Variants in COP1 observed in about 807,000 individuals in gnomAD.
COP1 encodes E3 ubiquitin-protein ligase COP1.
A neutral mutation model predicts 101.3 loss-of-function variants in COP1; 24 were observed. That is an observed-to-expected ratio of 0.24 (90% CI 0.17 to 0.33). The LOEUF is 0.33. Ranked by LOEUF, COP1 falls within the 10% of genes least tolerant of loss-of-function variation. The pLI is 1.00. For missense variants in COP1, 663 were observed against 906.2 expected, an observed-to-expected ratio of 0.73 and a Z score of 3.45; for synonymous variants, 347 against 341.9, an observed-to-expected ratio of 1.01 and a Z score of -0.17.
intron 8 of COP1, among the ~76,000 whole-genome samples, chr1:176,129,033 T>C (rs1688486680): frequency 2.0e-5 from 3 of 151,920 alleles, no homozygotes; most frequent in South Asian, 4.1e-4. Flanking sequence ...TATAGTTGCA[T>C]AGAATGACAT....
intron 18 of COP1, among the ~76,000 whole-genome samples, chr1:175,961,695 C>CAAAAA (rs3034815): frequency 1.2e-4 from 8 of 69,420 alleles, no homozygotes; most frequent in Non-Finnish European, 1.4e-4. Flanking sequence ...GACCCTGTCT[C>CAAAAA]AAAAAAAAAA....
chr1:176,189,883 C>A (rs1698927754), intron 1 of COP1, among the ~76,000 whole-genome samples: 1 of 151,494 alleles, frequency 6.6e-6, no homozygotes, highest in Admixed American at 6.6e-5. Context: ...AGAAAAAATT[C>A]TCAATTAGAA....
chr1:176,203,065 C>T (rs536527177), intron 1 of COP1, among the ~76,000 whole-genome samples: 2 of 151,772 alleles, frequency 1.3e-5, no homozygotes, highest in East Asian at 2.0e-4. Context: ...CGGCCGGGCG[C>T]GGTGGCTCAC....
At chr1:176,184,102 A>T (rs1412888846) in intron 2 of COP1, among the ~76,000 whole-genome samples, 1 of 152,256 alleles carries the variant, frequency 6.6e-6, no homozygotes, top group Non-Finnish European at 1.5e-5. Flanking sequence ...ACCAGAAAAA[A>T]ATATATAAAA....
intron 11 of COP1, among the ~76,000 whole-genome samples, chr1:176,069,494 A>G (rs1292320818): frequency 1.3e-5 from 2 of 152,200 alleles, no homozygotes; most frequent in African/African-American, 2.4e-5. Context: ...TTATCCTCCA[A>G]TCGAGTATTC....
chr1:176,126,992 T>C (rs771562624), intron 8 of COP1, among the ~76,000 whole-genome samples: 10 of 152,158 alleles, frequency 6.6e-5, no homozygotes, highest in Non-Finnish European at 1.5e-4. Context: ...CATATCTTAT[T>C]TTTCCTCCTA....
At chr1:176,184,971 T>C (rs1002980645) in intron 1 of COP1, among the ~76,000 whole-genome samples, 4 of 152,136 alleles carry the variant, frequency 2.6e-5, no homozygotes, top group African/African-American at 9.7e-5. Flanking sequence ...ACTCGGCACA[T>C]AATTTTTAGT....
chr1:175,990,487 T>C (rs1318405992), intron 15 of COP1, among the ~76,000 whole-genome samples: 6 of 152,178 alleles, frequency 3.9e-5, no homozygotes, highest in Non-Finnish European at 8.8e-5. Context: ...GGTCTTTGGA[T>C]GTCTGTTATG....
rs369887649 is a variant in COP1, at chr1:176,028,696, CATATATATATATATATATAT to C, written c.1613-1028_1613-1009del. 1.3e-3 allele frequency among the ~76,000 whole-genome samples: 62 copies of C among 47,912 alleles called. 2 individuals carry two copies. The highest frequency in any genetic ancestry group is 4.2e-3 in the African/African-American group (60 of 14,146). The allele number at this position is 47,912 out of a possible 152,430, so 31.4% of individuals were successfully genotyped here. ...CTGGAGCTAGGTGGTATATTTGTTT[CATATATATATATATATATAT>C]ATATATATATAGTTTTATATATATT... On this transcript the variant is annotated intron_variant, in intron 14 of 19. Transcript: ENST00000367669.
At chr1:176,188,907 A>C (rs183291513) in intron 1 of COP1, among the ~76,000 whole-genome samples, 12 of 152,204 alleles carry the variant, frequency 7.9e-5, no homozygotes, top group Admixed American at 6.5e-4. Flanking sequence ...GAAATGTTCT[A>C]ACATACATGT....
At chr1:176,043,650 A>C in intron 13 of COP1, 60 bp downstream of exon 13, 1 of 1,000,630 alleles carries the variant, frequency 1.0e-6, no homozygotes, top group Non-Finnish European at 1.6e-6. Context: ...ATGAAGTTCT[A>C]AAAGTTTTAA....
intron 15 of COP1, among the ~76,000 whole-genome samples, chr1:176,010,458 T>G (rs1382457515): frequency 5.3e-5 from 8 of 152,330 alleles, no homozygotes; most frequent in Admixed American, 4.6e-4. Context: ...ATAAAACAAT[T>G]CATAATATTG....
At chr1:176,087,651 T>C (rs1342867787) in intron 9 of COP1, among the ~76,000 whole-genome samples, 5 of 152,220 alleles carry the variant, frequency 3.3e-5, no homozygotes, top group Admixed American at 6.5e-5. Context: ...TTTTACACTG[T>C]TGGTGGGAGT....
At chr1:176,085,722 G>C (rs1572141048) in intron 10 of COP1, 54 bp downstream of exon 10, 2 of 1,086,162 alleles carry the variant, frequency 1.8e-6, no homozygotes, top group Middle Eastern at 2.3e-4. Flanking sequence ...CAAAAACCTA[G>C]AAACAGATCT....
intron 1 of COP1, among the ~76,000 whole-genome samples, chr1:176,186,691 C>A (rs1698489279): frequency 6.6e-6 from 1 of 152,294 alleles, no homozygotes; most frequent in Middle Eastern, 3.4e-3. Context: ...ATCATTCTAC[C>A]TGCTATGCTG....
intron 1 of COP1, among the ~76,000 whole-genome samples, chr1:176,187,315 T>A (rs1558284197): frequency 6.6e-6 from 1 of 151,988 alleles, no homozygotes; most frequent in African/African-American, 2.4e-5. Context: ...TACACACATA[T>A]ATACACACAC....
chr1:176,041,337 TTTTTTTTC>T (rs1557983050), intron 14 of COP1, among the ~76,000 whole-genome samples: 1 of 31,936 alleles, frequency 3.1e-5, no homozygotes, highest in Non-Finnish European at 6.2e-5. Flanking sequence ...TCTACTTGGA[TTTTTTTTC>T]TTTTTTTCTT....
chr1:176,049,223 AAT>A (rs977901152), intron 11 of COP1, among the ~76,000 whole-genome samples: 2 of 150,874 alleles, frequency 1.3e-5, no homozygotes, highest in African/African-American at 4.9e-5. Flanking sequence ...TGATGACCTA[AAT>A]ATGTCTATTA....
chr1:176,139,307 A>G (rs1233164351), intron 6 of COP1, among the ~76,000 whole-genome samples: 10 of 151,322 alleles, frequency 6.6e-5, no homozygotes, highest in African/African-American at 2.2e-4. Context: ...AAAACAAAAA[A>G]AGAGATGCTG....
Sources: allele counts gnomAD v4.1 joint callset (sites outside exome capture counted in the v4.1 genomes callset), GRCh38; gene constraint gnomAD v4.1.1; transcripts MANE v1.5; gene names NCBI Gene and HGNC (gene_info 2026-07-23, HGNC 2026-07-21).